The following UNC5D variants were observed in gnomAD, a reference collection of about 807,000 sequenced individuals.
UNC5D encodes netrin receptor UNC5D.
A neutral mutation model predicts 105.4 loss-of-function variants in UNC5D; 39 were observed. That is an observed-to-expected ratio of 0.37 (90% confidence interval 0.29 to 0.48). The LOEUF is 0.48. Ranked by LOEUF, UNC5D falls within the 20% of genes least tolerant of loss-of-function variation. The probability of loss-of-function intolerance (pLI) is 0.98; values close to 1 mark genes in which losing one functional copy is unlikely to be tolerated. For synonymous variants in UNC5D, 452 were observed against 450.4 expected (o/e 1.00, Z -0.04); for missense variants, 991 against 1,202.4 (o/e 0.82, Z 2.60).
chr8:35,306,668 T>C (rs1808445176), intron 1 of UNC5D, among the ~76,000 whole-genome samples: 1 of 152,148 alleles, frequency 6.6e-6, no homozygotes, highest in Non-Finnish European at 1.5e-5. Context: ...CATTGGGAAT[T>C]AGAGAATAAA....
At chr8:35,593,703 C>T (rs981685447) in intron 3 of UNC5D, among the ~76,000 whole-genome samples, 4 of 152,112 alleles carry the variant, frequency 2.6e-5, no homozygotes, top group Admixed American at 6.6e-5. Context: ...GTCAAGGTTA[C>T]GGTGAGCTAT....
intron 15 of UNC5D, 54 bp from the exon 16 acceptor site, chr8:35,774,245 G>T: frequency 6.3e-7 from 1 of 1,597,322 alleles, no homozygotes; most frequent in Non-Finnish European, 8.6e-7. Context: ...TGAAAGTGTT[G>T]GTCAGGACTG....
chr8:35,503,729 A>C (rs1812119064), intron 1 of UNC5D, among the ~76,000 whole-genome samples: 1 of 152,248 alleles, frequency 6.6e-6, no homozygotes, highest in Non-Finnish European at 1.5e-5. Context: ...AAAGGGAGTT[A>C]GAATTTTAAT....
At chr8:35,552,447 T>G (rs1365418346) in intron 2 of UNC5D, among the ~76,000 whole-genome samples, 1 of 152,228 alleles carries the variant, frequency 6.6e-6, no homozygotes, top group Non-Finnish European at 1.5e-5. Context: ...GGCTCATCAT[T>G]TTCCATTATG....
intron 1 of UNC5D, among the ~76,000 whole-genome samples, chr8:35,310,636 A>C (rs1356936519): frequency 6.6e-6 from 1 of 152,048 alleles, no homozygotes. Context: ...ATAAAAATAA[A>C]AATAAAAATA....
At chr8:35,657,240 T>C (rs990863460) in intron 4 of UNC5D, among the ~76,000 whole-genome samples, 2 of 151,060 alleles carry the variant, frequency 1.3e-5, no homozygotes, top group African/African-American at 4.9e-5. Context: ...GGTTAAATCA[T>C]GTTCTTAGGT....
chr8:35,328,147 A>G (rs1054931953), intron 1 of UNC5D, among the ~76,000 whole-genome samples: 2 of 152,218 alleles, frequency 1.3e-5, no homozygotes, highest in African/African-American at 4.8e-5. Context: ...TATAATGTAT[A>G]TGTGTATTTG....
At chr8:35,284,114 A>G (rs1298565035) in intron 1 of UNC5D, among the ~76,000 whole-genome samples, 1 of 152,226 alleles carries the variant, frequency 6.6e-6, no homozygotes, top group Non-Finnish European at 1.5e-5. Context: ...AAAATAAGAT[A>G]AAGACTGCAT....
At chr8:35,588,732 A>G (rs1818958472) in intron 3 of UNC5D, among the ~76,000 whole-genome samples, 1 of 152,148 alleles carries the variant, frequency 6.6e-6, no homozygotes, top group Non-Finnish European at 1.5e-5. Flanking sequence ...TACACAACTC[A>G]TGAAGGCAAA....
intron 1 of UNC5D, among the ~76,000 whole-genome samples, chr8:35,354,483 T>A (rs1042514194): frequency 3.3e-5 from 5 of 152,150 alleles, no homozygotes; most frequent in African/African-American, 1.2e-4. Context: ...GTTTTCAAGG[T>A]AACTGAGCTT....
intron 1 of UNC5D, among the ~76,000 whole-genome samples, chr8:35,475,380 C>G (rs922429962): frequency 6.6e-6 from 1 of 152,214 alleles, no homozygotes; most frequent in Non-Finnish European, 1.5e-5. Flanking sequence ...ACAGCCACCA[C>G]GGCCACCCAG....
intron 1 of UNC5D, among the ~76,000 whole-genome samples, chr8:35,519,635 C>A (rs531584014): frequency 6.6e-6 from 1 of 152,012 alleles, no homozygotes; most frequent in Non-Finnish European, 1.5e-5. Flanking sequence ...ACAAAGTAAA[C>A]AACCTAAATA....
intron 1 of UNC5D, among the ~76,000 whole-genome samples, chr8:35,433,005 C>T (rs1806752532): frequency 1.3e-5 from 2 of 152,160 alleles, no homozygotes; most frequent in South Asian, 2.1e-4. Flanking sequence ...ATGTCGTAAA[C>T]ATAATTATAT....
chr8:35,561,350 G>T (rs1415924093), intron 2 of UNC5D, among the ~76,000 whole-genome samples: 1 of 152,032 alleles, frequency 6.6e-6, no homozygotes, highest in Non-Finnish European at 1.5e-5. Flanking sequence ...CAATGGAAAG[G>T]CCCTTGGCCA....
chr8:35,744,731 C>T (rs1171927039), intron 11 of UNC5D, among the ~76,000 whole-genome samples: 1 of 151,818 alleles, frequency 6.6e-6, no homozygotes, highest in Non-Finnish European at 1.5e-5. Context: ...ACTGGGGATG[C>T]AATGATGACC....
chr8:35,390,053 C>G (rs1803673974), intron 1 of UNC5D, among the ~76,000 whole-genome samples: 1 of 152,224 alleles, frequency 6.6e-6, no homozygotes. Context: ...ATCAGCTCAG[C>G]TTCTGGGGAG....
intron 1 of UNC5D, among the ~76,000 whole-genome samples, chr8:35,464,898 A>G (rs967123695): frequency 6.6e-6 from 1 of 152,184 alleles, no homozygotes; most frequent in Non-Finnish European, 1.5e-5. Context: ...GATAACATTC[A>G]GAGCCTTCTC....
intron 1 of UNC5D, among the ~76,000 whole-genome samples, chr8:35,538,395 T>TTATATATATGTATATATATA (rs1554553469): frequency 1.2e-5 from 1 of 82,446 alleles, no homozygotes; most frequent in Non-Finnish European, 2.5e-5. Context: ...AAAAAAATAA[T>TTATATATATGTATATATATA]TATATATATA....
At chr8:35,617,508 G>A (rs1821104201) in intron 4 of UNC5D, among the ~76,000 whole-genome samples, 1 of 152,162 alleles carries the variant, frequency 6.6e-6, no homozygotes, top group African/African-American at 2.4e-5. Context: ...GCATTGCACA[G>A]CTCTCAAGCC....
Sources: gnomAD v4.1 joint callset for allele counts (sites outside exome capture counted in the v4.1 genomes callset) on GRCh38, gnomAD v4.1.1 for gene constraint, MANE v1.5 for transcripts, NCBI Gene and HGNC (gene_info 2026-07-23, HGNC 2026-07-21) for gene names.